ELAVL4: variants seen among roughly 807,000 people sequenced by gnomAD.
ELAVL4 encodes ELAV like RNA binding protein 4, also known as ELAV-like protein 4.
Under a neutral mutation model 35.6 loss-of-function variants are expected in ELAVL4, and 1 was observed. The ratio of observed to expected loss-of-function variants is 0.03; its 90% CI spans 0.01 to 0.13. The LOEUF is 0.13. Among genes scored for constraint, ELAVL4 ranks in the 10% least tolerant of loss-of-function variants. ELAVL4 has a pLI of 1.00. For missense variants in ELAVL4, 267 were observed against 464.9 expected (o/e 0.57, Z 3.91); for synonymous variants, 156 against 171.0 (o/e 0.91, Z 0.69).
intron 1 of ELAVL4, among the ~76,000 whole-genome samples, chr1:50,072,844 A>G (rs1244983728): frequency 6.6e-6 from 1 of 152,114 alleles, no homozygotes; most frequent in Non-Finnish European, 1.5e-5. Flanking sequence ...AGATGAAATA[A>G]CTTTCCCAAG....
intron 1 of ELAVL4, among the ~76,000 whole-genome samples, chr1:50,083,177 C>T (rs1665087102): frequency 6.6e-6 from 1 of 152,098 alleles, no homozygotes; most frequent in African/African-American, 2.4e-5. Flanking sequence ...CCACGTAATC[C>T]TCCTGAGTAG....
intron 2 of ELAVL4, among the ~76,000 whole-genome samples, chr1:50,149,426 A>C (rs1176567613): frequency 6.6e-6 from 1 of 151,774 alleles, no homozygotes; most frequent in Non-Finnish European, 1.5e-5. Flanking sequence ...AATCAGTGTA[A>C]GACAACAAAC....
intron 3 of ELAVL4, among the ~76,000 whole-genome samples, chr1:50,191,917 A>G (rs908188946): frequency 6.6e-6 from 1 of 152,244 alleles, no homozygotes. Context: ...TGCCATGGGC[A>G]TATCACTATG....
rs188907168 is a variant in ELAVL4, at chr1:50,052,022, C to A, written c.18+3840C>A. 4.6e-5 allele frequency among the ~76,000 whole-genome samples: 7 copies of A among 152,214 alleles called. No homozygotes were observed. The East Asian group carries it at 1.2e-3, about 25-fold the overall frequency. ...GAATACCAGTCCTGTTGGATTAGGGCCCACTCACATGACCTCCTTTTACCT... is the reference window on the plus strand; with the variant it reads ...GAATACCAGTCCTGTTGGATTAGGGACCACTCACATGACCTCCTTTTACCT... On this transcript the variant is annotated intron_variant, in intron 1 of 6. Transcript: ENST00000448907.
At position 50,195,212 on chromosome 1, in the gene ELAVL4, C is replaced by G. The variant is rs140224040; in HGVS notation, c.509-349C>G. Among the ~76,000 whole-genome samples, 182 of 152,342 alleles carry G rather than the reference C, an allele frequency of 1.2e-3. 1 individual carries two copies. Among genetic ancestry groups the G allele is most frequent in the African/African-American group, 4.1e-3 (172 of 41,554 alleles). On this transcript the variant is annotated intron_variant, in intron 4 of 6. Transcript: ENST00000371824. ...GTTCACTTTTCAAATAGATTGCACACTAGCTACATGTGGAGGACACATGAG... is the reference window on the plus strand; with the variant it reads ...GTTCACTTTTCAAATAGATTGCACAGTAGCTACATGTGGAGGACACATGAG...
intron 1 of ELAVL4, among the ~76,000 whole-genome samples, chr1:50,118,763 A>T (rs1668385513): frequency 6.6e-6 from 1 of 151,994 alleles, no homozygotes; most frequent in South Asian, 2.1e-4. Context: ...AAGGGATTCA[A>T]GATTCAAATT....
At chr1:50,150,353 T>G (rs1674558732) in intron 2 of ELAVL4, among the ~76,000 whole-genome samples, 1 of 152,228 alleles carries the variant, frequency 6.6e-6, no homozygotes, top group South Asian at 2.1e-4. Flanking sequence ...TAAATGACCT[T>G]CACTACTGTG....
intron 2 of ELAVL4, among the ~76,000 whole-genome samples, chr1:50,148,397 G>A (rs891188876): frequency 6.6e-6 from 1 of 152,164 alleles, no homozygotes; most frequent in Admixed American, 6.5e-5. Context: ...TATAAAGGGA[G>A]CAAAGATAAC....
At position 50,144,972 on chromosome 1, in the gene ELAVL4, G is replaced by A. The variant is rs555445078; in HGVS notation, c.25G>A (p.Glu9Lys). Residue 9 changes from glutamate (E) to lysine (K), a missense_variant, in exon 2 of 7, where the codon GAG becomes AAG. Glu to Lys is a moderately conservative substitution (Grantham distance 56). This residue lies in a region of ELAVL4 where 51 missense variants were observed against 55.4 expected (regional missense o/e 0.92). Transcript: ENST00000371824. Reference protein sequence around the residue: MVMIISTMEPQVSNGPTSN... With the variant: MVMIISTMKPQVSNGPTSN... Reference sequence around the variant, plus strand: ...TTTTATTTAGATAATTAGCACCATGGAGCCTCAGGTGTCAAATGGTCCGAC... The same window carrying A: ...TTTTATTTAGATAATTAGCACCATGAAGCCTCAGGTGTCAAATGGTCCGAC... 2 of 1,613,648 alleles carry A rather than the reference G, an allele frequency of 1.2e-6. No individual in the cohort carries two copies. Among genetic ancestry groups the A allele is most frequent in the South Asian group, 1.1e-5 (1 of 91,038 alleles).
chr1:50,132,686 A>G (rs1671061349), intron 1 of ELAVL4, among the ~76,000 whole-genome samples: 1 of 152,168 alleles, frequency 6.6e-6, no homozygotes, highest in Non-Finnish European at 1.5e-5. Context: ...AGTGTGTCCA[A>G]GGAGAGATCC....
At chr1:50,137,866 T>C (rs1672141376) in intron 1 of ELAVL4, among the ~76,000 whole-genome samples, 1 of 152,212 alleles carries the variant, frequency 6.6e-6, no homozygotes, top group African/African-American at 2.4e-5. Context: ...TCTTTCTCCT[T>C]GTTCTCTTCT....
chr1:50,096,413 T>G (rs1042418497), intron 1 of ELAVL4, among the ~76,000 whole-genome samples: 1 of 148,182 alleles, frequency 6.7e-6, no homozygotes, highest in African/African-American at 2.5e-5. Context: ...ATGGAAGAAA[T>G]TACAGGCATA....
chr1:50,135,047 A>G (rs1165101056), intron 1 of ELAVL4, among the ~76,000 whole-genome samples: 1 of 152,156 alleles, frequency 6.6e-6, no homozygotes, highest in Non-Finnish European at 1.5e-5. Flanking sequence ...TATGCTTTTC[A>G]TATCCGTGCT....
chr1:50,099,195 T>C (rs934252614), upstream of ELAVL4, among the ~76,000 whole-genome samples: 1 of 152,220 alleles, frequency 6.6e-6, no homozygotes, highest in Non-Finnish European at 1.5e-5. Flanking sequence ...GGTACTGTTA[T>C]TCCATGTGCT....
At chr1:50,074,771 G>A (rs1664687574) in intron 1 of ELAVL4, among the ~76,000 whole-genome samples, 1 of 152,138 alleles carries the variant, frequency 6.6e-6, no homozygotes, top group Non-Finnish European at 1.5e-5. Flanking sequence ...GGATCAGTCT[G>A]GGTAGACAGA....
chr1:50,141,606 C>G (rs1278612202), intron 1 of ELAVL4, among the ~76,000 whole-genome samples: 1 of 152,178 alleles, frequency 6.6e-6, no homozygotes, highest in Non-Finnish European at 1.5e-5. Context: ...CTTTAGCATG[C>G]CTCCTTCCCT....
chr1:50,067,223 A>G lies in ELAVL4; in HGVS notation c.18+19041A>G, dbSNP rs973133536. 2.0e-5 allele frequency among the ~76,000 whole-genome samples: 3 copies of G among 152,330 alleles called. No individual in the cohort carries two copies. The East Asian group carries it at 5.8e-4, about 29-fold the overall frequency. On this transcript the variant is annotated intron_variant, in intron 1 of 6. Coordinates refer to the ELAVL4 transcript ENST00000448907. ...AGTGGCCAAGTAATTCTTAAAAGGA[A>G]GCAACAGAAATGTGGTTAAAATGGT...
chr1:50,144,704 C>T (rs1208690436), intron 1 of ELAVL4: 1 of 670,836 alleles, frequency 1.5e-6, no homozygotes. Flanking sequence ...TTTTCATTAA[C>T]AAAATAATGG....
At chr1:50,052,954 A>G (rs1430157192) in intron 1 of ELAVL4, among the ~76,000 whole-genome samples, 1 of 152,208 alleles carries the variant, frequency 6.6e-6, no homozygotes, top group African/African-American at 2.4e-5. Context: ...CAAAGTGGCT[A>G]GTGTTGACAT....
Sources: allele counts gnomAD v4.1 joint callset (sites outside exome capture counted in the v4.1 genomes callset), GRCh38; gene constraint gnomAD v4.1.1; regional missense constraint gnomAD v4.1.1; transcripts MANE v1.5; gene names NCBI Gene and HGNC (gene_info 2026-07-23, HGNC 2026-07-21).